The following SHTN1 variants were observed in gnomAD, a reference collection of about 807,000 sequenced individuals.
SHTN1 encodes the protein shootin-1.
A neutral mutation model predicts 83.1 loss-of-function variants in SHTN1; 42 were observed. The ratio of observed to expected loss-of-function variants is 0.51; its 90% CI spans 0.39 to 0.65. SHTN1 has a LOEUF of 0.65. Among genes scored for constraint, SHTN1 ranks in the 30% least tolerant of loss-of-function variants. The pLI, the probability that SHTN1 is intolerant of heterozygous loss-of-function variation, is 0.00. For missense variants in SHTN1, 622 were observed against 737.8 expected (o/e 0.84, Z 1.82); for synonymous variants, 224 against 247.7 (o/e 0.90, Z 0.90).
In SHTN1 at chr10:116,954,070, G is replaced by A. The variant is rs780107522; in HGVS notation, c.408C>T (p.Val136=). The A allele has an allele frequency of 6.2e-7, 1 of 1,612,618 alleles. No individual in the cohort carries two copies. Among genetic ancestry groups the A allele is most frequent in the South Asian group, 1.1e-5 (1 of 90,656 alleles). ...TAATTTGCTTCTGACACTGTACTGA[G>A]ACACAAGTCTCGGCGGCACCGTCTG... The part of the protein sequence containing the change: ...TDTDGAAETC[V]SVQCQKQIKE... The change falls in exon 5 of 17, where the codon GTC becomes GTT. Residue 136 remains valine (V), a synonymous_variant. Transcript: ENST00000355371.
chr10:117,122,348 G>A (rs1273074553), intron 1 of SHTN1, among the ~76,000 whole-genome samples: 2 of 151,988 alleles, frequency 1.3e-5, no homozygotes, highest in South Asian at 4.1e-4. Context: ...CCCAGCTAAC[G>A]TTTTTATTTT....
At chr10:117,076,334 C>T (rs1183928142) in intron 1 of SHTN1, among the ~76,000 whole-genome samples, 4 of 152,088 alleles carry the variant, frequency 2.6e-5, no homozygotes, top group Non-Finnish European at 5.9e-5. Flanking sequence ...CAGTTACATC[C>T]TTGGAGCTGT....
At chr10:116,893,371 G>A (rs1847400493) in intron 16 of SHTN1, among the ~76,000 whole-genome samples, 1 of 152,100 alleles carries the variant, frequency 6.6e-6, no homozygotes, top group East Asian at 1.9e-4. Flanking sequence ...GAACAGAGCT[G>A]TTTCCTGCAG....
chr10:117,058,844 A>T (rs1207513945), intron 1 of SHTN1, among the ~76,000 whole-genome samples: 1 of 152,224 alleles, frequency 6.6e-6, no homozygotes, highest in African/African-American at 2.4e-5. Flanking sequence ...ATACTACAAC[A>T]TGGATAAAAC....
In SHTN1 at chr10:116,911,479, G is replaced by A. The variant is rs541027229; in HGVS notation, c.1359+311C>T. On this transcript the variant is annotated intron_variant, in intron 14 of 16. Transcript: ENST00000355371. ...ATTTCTGTTTTTCATCAACATGTAC[G>A]GACCCTTACATATGGCCAGCCACTT... 1,657 of 1,550,202 alleles carry A rather than the reference G, an allele frequency of 1.1e-3. 31 individuals are homozygous for A. The South Asian group carries it at 0.018, about 17-fold the overall frequency.
chr10:116,904,263 C>T (rs1464533991), intron 15 of SHTN1, among the ~76,000 whole-genome samples: 1 of 152,210 alleles, frequency 6.6e-6, no homozygotes, highest in Non-Finnish European at 1.5e-5. Context: ...TGCAGCTTTA[C>T]TTTCTTGCTT....
chr10:117,059,114 G>A (rs559901876), intron 1 of SHTN1, among the ~76,000 whole-genome samples: 1 of 152,158 alleles, frequency 6.6e-6, no homozygotes, highest in Non-Finnish European at 1.5e-5. Flanking sequence ...GCAGACTAAC[G>A]AATGGTTAAA....
intron 1 of SHTN1, among the ~76,000 whole-genome samples, chr10:117,000,097 G>C (rs1467979136): frequency 1.3e-5 from 2 of 152,162 alleles, no homozygotes; most frequent in Non-Finnish European, 2.9e-5. Flanking sequence ...TGGTGATTCA[G>C]ATGCAGCTGG....
chr10:116,925,358 C>T (rs1421121941), intron 11 of SHTN1, among the ~76,000 whole-genome samples: 1 of 152,142 alleles, frequency 6.6e-6, no homozygotes, highest in African/African-American at 2.4e-5. Flanking sequence ...GGGTTATTGG[C>T]TTTTTCTTGC....
intron 1 of SHTN1, among the ~76,000 whole-genome samples, chr10:117,073,757 T>G (rs971756184): frequency 6.6e-6 from 1 of 152,188 alleles, no homozygotes; most frequent in African/African-American, 2.4e-5. Flanking sequence ...CCCCAATTTG[T>G]GTCCCCTAAT....
intron 1 of SHTN1, among the ~76,000 whole-genome samples, chr10:117,124,065 G>T (rs182194449): frequency 1.3e-5 from 2 of 152,078 alleles, no homozygotes; most frequent in Admixed American, 1.3e-4. Context: ...TAAAAAAATA[G>T]CTGGGCATGG....
chr10:116,894,005 C>A (rs1050153552), intron 16 of SHTN1, among the ~76,000 whole-genome samples: 1 of 152,130 alleles, frequency 6.6e-6, no homozygotes, highest in African/African-American at 2.4e-5. Context: ...ATCAGAAATA[C>A]TGAATGAAGA....
intron 3 of SHTN1, among the ~76,000 whole-genome samples, chr10:116,962,941 T>C (rs1850234774): frequency 6.6e-6 from 1 of 150,480 alleles, no homozygotes; most frequent in South Asian, 2.1e-4. Context: ...TTAAAAAGCA[T>C]GACCCCATTT....
At chr10:117,104,690 C>G (rs1388290338) in intron 1 of SHTN1, among the ~76,000 whole-genome samples, 1 of 152,138 alleles carries the variant, frequency 6.6e-6, no homozygotes, top group African/African-American at 2.4e-5. Context: ...AGGAGAATGG[C>G]GTGAACCGGG....
intron 6 of SHTN1, among the ~76,000 whole-genome samples, chr10:116,949,269 T>C (rs1031569015): frequency 2.6e-5 from 4 of 152,132 alleles, no homozygotes; most frequent in Non-Finnish European, 4.4e-5. Context: ...AGCCATCCAA[T>C]GTATATGATA....
At chr10:117,118,019 C>G (rs1053011232) in intron 1 of SHTN1, among the ~76,000 whole-genome samples, 1 of 151,992 alleles carries the variant, frequency 6.6e-6, no homozygotes, top group African/African-American at 2.4e-5. Context: ...GCAAAGGCAA[C>G]CAAAGCAAAA....
At chr10:117,055,125 C>A (rs1235058893) in intron 1 of SHTN1, among the ~76,000 whole-genome samples, 5 of 152,154 alleles carry the variant, frequency 3.3e-5, no homozygotes, top group Non-Finnish European at 7.3e-5. Context: ...AAGCCAGACA[C>A]TTCTAAACCA....
At chr10:117,087,706 A>T (rs1853370443) in intron 1 of SHTN1, among the ~76,000 whole-genome samples, 1 of 152,388 alleles carries the variant, frequency 6.6e-6, no homozygotes, top group East Asian at 1.9e-4. Flanking sequence ...AATTGATTAC[A>T]TTAAAACTAA....
At chr10:117,072,346 C>T (rs889648908) in intron 1 of SHTN1, among the ~76,000 whole-genome samples, 4 of 152,126 alleles carry the variant, frequency 2.6e-5, no homozygotes, top group African/African-American at 7.2e-5. Flanking sequence ...CAGCTCAGAA[C>T]GACAGAGCAG....
Sources: gnomAD v4.1 joint callset for allele counts (sites outside exome capture counted in the v4.1 genomes callset) on GRCh38, gnomAD v4.1.1 for gene constraint, MANE v1.5 for transcripts, NCBI Gene and HGNC (gene_info 2026-07-23, HGNC 2026-07-21) for gene names.